Variants in DCDC2C observed in about 807,000 individuals in gnomAD.
DCDC2C encodes doublecortin domain containing 2C, also known as doublecortin domain-containing protein 2C.
A neutral mutation model predicts 45.0 loss-of-function variants in DCDC2C; 44 were observed. That is an observed-to-expected ratio of 0.98 (90% CI 0.77 to 1.26). DCDC2C has a LOEUF of 1.26. Among genes scored for constraint, DCDC2C ranks in the 50% most tolerant of loss-of-function variants. The pLI is 0.00. For missense variants in DCDC2C, 447 were observed against 468.9 expected (o/e 0.95, Z 0.43); for synonymous variants, 187 against 178.8 (o/e 1.05, Z -0.37).
At chr2:3,718,466 C>A (rs1237396582) in intron 2 of DCDC2C, among the ~76,000 whole-genome samples, 1 of 152,146 alleles carries the variant, frequency 6.6e-6, no homozygotes, top group African/African-American at 2.4e-5. Flanking sequence ...ATACATAAAT[C>A]AAGTGTGTGG....
intron 10 of DCDC2C, among the ~76,000 whole-genome samples, chr2:3,820,139 G>A (rs141971633): frequency 7.9e-5 from 12 of 152,262 alleles, no homozygotes; most frequent in South Asian, 4.1e-4. Context: ...ATGCCTGGAC[G>A]TCAGGCACCT....
intron 4 of DCDC2C, among the ~76,000 whole-genome samples, chr2:3,748,175 G>T (rs2148118820): frequency 6.6e-6 from 1 of 152,186 alleles, no homozygotes; most frequent in East Asian, 1.9e-4. Context: ...TCCATTGGCG[G>T]ATTCTGAGCA....
At chr2:3,817,760 G>C (rs1417180381) in intron 10 of DCDC2C, among the ~76,000 whole-genome samples, 1 of 152,208 alleles carries the variant, frequency 6.6e-6, no homozygotes, top group African/African-American at 2.4e-5. Context: ...GTTAGGGAGA[G>C]CTAGTGTGGG....
chr2:3,820,335 A>G (rs950240137), intron 10 of DCDC2C, among the ~76,000 whole-genome samples: 3 of 152,184 alleles, frequency 2.0e-5, no homozygotes, highest in Non-Finnish European at 4.4e-5. Flanking sequence ...TAAGTTTTTG[A>G]GAACACAGGC....
intron 6 of DCDC2C, among the ~76,000 whole-genome samples, chr2:3,756,974 T>C (rs1208482954): frequency 6.6e-6 from 1 of 152,226 alleles, no homozygotes; most frequent in South Asian, 2.1e-4. Flanking sequence ...TGATGATCAC[T>C]GAGATTACAA....
At chr2:3,720,500 G>A (rs768493852) in intron 2 of DCDC2C, among the ~76,000 whole-genome samples, 2 of 152,168 alleles carry the variant, frequency 1.3e-5, no homozygotes, top group South Asian at 2.1e-4. Context: ...GGAGGAGGTC[G>A]AAGGCAGAGT....
Position 3,767,793 on chromosome 2 carries a change from A to T in DCDC2C, c.766A>T (p.Ile256Leu). 1 of 1,550,516 alleles carries T rather than the reference A, an allele frequency of 6.4e-7. No individual in the cohort carries two copies. The highest frequency in any genetic ancestry group is 8.7e-7 in the Non-Finnish European group (1 of 1,146,948). The change falls in exon 7 of 11, where the codon ATA (isoleucine) becomes TTA (leucine). Residue 256 changes from isoleucine to leucine, a missense_variant. Coordinates refer to ENST00000399143, the MANE Select transcript of DCDC2C (RefSeq NM_001287444.2). ...AAAAGAACCTTGTAAATATGATGGCATACCCCCTAAAACACAGGATTCTGT... is the reference window on the plus strand; with the variant it reads ...AAAAGAACCTTGTAAATATGATGGCTTACCCCCTAAAACACAGGATTCTGT... The part of the protein sequence containing the change: ...KGKEPCKYDG[I>L]PPKTQDSVYY...
At chr2:3,793,842 C>T (rs1448183356) in intron 10 of DCDC2C, among the ~76,000 whole-genome samples, 1 of 152,040 alleles carries the variant, frequency 6.6e-6, no homozygotes, top group Non-Finnish European at 1.5e-5. Context: ...GGGGCAGAGG[C>T]CAGGTCATGG....
intron 3 of DCDC2C, among the ~76,000 whole-genome samples, chr2:3,730,667 T>A (rs1421791103): frequency 1.3e-5 from 2 of 152,132 alleles, no homozygotes; most frequent in African/African-American, 4.8e-5. Context: ...GCTTAATTGA[T>A]CACAGGTTCA....
rs73910361 is a variant in DCDC2C, at chr2:3,761,073, A to G, written c.726+6439A>G. On this transcript the variant is annotated intron_variant, in intron 6 of 10. Transcript: ENST00000399143. The surrounding 1 kb of genome is among the most constrained non-coding windows in gnomAD (Gnocchi z 4.3). ...CTTTTAGTCCAATGAAAGTAATTGAATGAAGCTACTCTCATTATATAGCAT... is the reference window on the plus strand; with the variant it reads ...CTTTTAGTCCAATGAAAGTAATTGAGTGAAGCTACTCTCATTATATAGCAT... Among the ~76,000 whole-genome samples the G allele has an allele frequency of 6.8e-3, 1,040 of 152,346 alleles. 12 individuals are homozygous for G. Among genetic ancestry groups the G allele is most frequent in the African/African-American group, 0.023 (970 of 41,578 alleles).
At chr2:3,738,539 GGAAAAAA>G (rs1164802970) in intron 3 of DCDC2C, among the ~76,000 whole-genome samples, 2 of 55,246 alleles carry the variant, frequency 3.6e-5, no homozygotes, top group African/African-American at 1.4e-4. Context: ...GGTCTATCTG[GGAAAAAA>G]AAAAAAAAAA....
chr2:3,723,148 C>T (rs1246926348), intron 2 of DCDC2C, among the ~76,000 whole-genome samples: 1 of 152,174 alleles, frequency 6.6e-6, no homozygotes, highest in Non-Finnish European at 1.5e-5. Flanking sequence ...ATTCGTTTGT[C>T]TTCATGAAAT....
intron 1 of DCDC2C, 153 bp downstream of exon 1, chr2:3,704,191 CGGG>C: frequency 2.8e-6 from 2 of 706,554 alleles, no homozygotes; most frequent in Non-Finnish European, 3.9e-6. Context: ...CAGCCGGCGT[CGGG>C]CCGCCCCAGG....
At chr2:3,811,918 C>T (rs1032783221) in intron 10 of DCDC2C, among the ~76,000 whole-genome samples, 4 of 152,218 alleles carry the variant, frequency 2.6e-5, no homozygotes, top group African/African-American at 9.6e-5. Context: ...CCTTGCATCG[C>T]AGGGAGGAAG....
chr2:3,774,090 A>G (rs1280755288), intron 8 of DCDC2C, among the ~76,000 whole-genome samples: 1 of 152,214 alleles, frequency 6.6e-6, no homozygotes, highest in Non-Finnish European at 1.5e-5. Context: ...AACCAAAATA[A>G]TTGGGACTAA....
chr2:3,731,367 A>C (rs1210782243), intron 3 of DCDC2C, among the ~76,000 whole-genome samples: 1 of 152,218 alleles, frequency 6.6e-6, no homozygotes, highest in African/African-American at 2.4e-5. Flanking sequence ...TTTGAAGGTC[A>C]GCACTGGCCA....
At chr2:3,782,109 C>T (rs2148177209) in intron 9 of DCDC2C, among the ~76,000 whole-genome samples, 1 of 152,296 alleles carries the variant, frequency 6.6e-6, no homozygotes, top group Admixed American at 6.5e-5. Context: ...TGCCACCTCC[C>T]TGTCCTGCGC....
intron 9 of DCDC2C, among the ~76,000 whole-genome samples, chr2:3,779,278 G>A (rs1392689780): frequency 3.9e-5 from 6 of 152,330 alleles, no homozygotes; most frequent in East Asian, 1.9e-4. Context: ...AGTTTGTGGC[G>A]TGGTGTCAGT....
At chr2:3,800,770 C>T (rs1194861232) in intron 10 of DCDC2C, among the ~76,000 whole-genome samples, 1 of 128,546 alleles carries the variant, frequency 7.8e-6, no homozygotes, top group Non-Finnish European at 1.8e-5. Flanking sequence ...TTTTAAGTGA[C>T]ATTGGCATTT....
Sources: gnomAD v4.1 joint callset for allele counts (sites outside exome capture counted in the v4.1 genomes callset) on GRCh38, gnomAD v4.1.1 for gene constraint, Gnocchi (gnomAD v3.1) non-coding constraint, MANE v1.5 for transcripts, NCBI Gene and HGNC (gene_info 2026-07-23, HGNC 2026-07-21) for gene names.